Variants in CNTN5 observed in about 807,000 individuals in gnomAD.
CNTN5 encodes contactin 5.
Under a neutral mutation model 129.1 loss-of-function variants are expected in CNTN5, and 77 were observed. The ratio of observed to expected loss-of-function variants is 0.60; its 90% confidence interval spans 0.50 to 0.72. The LOEUF is 0.72. Ranked by LOEUF, CNTN5 falls within the 30% of genes least tolerant of loss-of-function variation. The probability of loss-of-function intolerance (pLI) is 0.00; values close to 1 mark genes in which losing one functional copy is unlikely to be tolerated. For synonymous variants in CNTN5, 509 were observed against 465.6 expected (o/e 1.09, Z -1.20); for missense variants, 1,478 against 1,328.8 (o/e 1.11, Z -1.75).
intron 3 of CNTN5, among the ~76,000 whole-genome samples, chr11:99,612,002 A>G (rs1179786095): frequency 6.6e-6 from 1 of 152,274 alleles, no homozygotes; most frequent in Admixed American, 6.5e-5. Flanking sequence ...TCATGATTGC[A>G]TTTTGTATTT....
At chr11:99,878,387 G>A (rs74449570) in intron 6 of CNTN5, among the ~76,000 whole-genome samples, 3 of 152,126 alleles carry the variant, frequency 2.0e-5, no homozygotes, top group Non-Finnish European at 2.9e-5. Flanking sequence ...GGACTGAAGT[G>A]GGGATAAATA....
At chr11:99,706,984 G>C (rs1456254814) in intron 3 of CNTN5, among the ~76,000 whole-genome samples, 1 of 151,090 alleles carries the variant, frequency 6.6e-6, no homozygotes, top group Admixed American at 6.6e-5. Flanking sequence ...ATTCCCACCA[G>C]GCAGGATCAC....
At chr11:100,134,789 A>C (rs1946473848) in intron 13 of CNTN5, among the ~76,000 whole-genome samples, 1 of 152,116 alleles carries the variant, frequency 6.6e-6, no homozygotes, top group South Asian at 2.1e-4. Context: ...AAAGCTTTCC[A>C]TGGACTCCAG....
At chr11:99,225,321 A>G (rs1168542008) in intron 1 of CNTN5, among the ~76,000 whole-genome samples, 2 of 152,070 alleles carry the variant, frequency 1.3e-5, no homozygotes, top group Non-Finnish European at 2.9e-5. Flanking sequence ...AGTGAAAGAA[A>G]GCATGGTTAC....
chr11:99,249,634 A>G (rs1159139597), intron 1 of CNTN5, among the ~76,000 whole-genome samples: 4 of 152,028 alleles, frequency 2.6e-5, no homozygotes, highest in Non-Finnish European at 5.9e-5. Flanking sequence ...TGAAATCCAA[A>G]TATTCCAATG....
intron 2 of CNTN5, among the ~76,000 whole-genome samples, chr11:99,449,031 T>G (rs982983075): frequency 6.6e-6 from 1 of 152,008 alleles, no homozygotes; most frequent in Non-Finnish European, 1.5e-5. Context: ...GATTCGCCTG[T>G]CTTGGTCTCC....
chr11:99,433,395 GTGTGTGTCTT>G (rs1303598411), intron 2 of CNTN5, among the ~76,000 whole-genome samples: 2 of 48,490 alleles, frequency 4.1e-5, no homozygotes, highest in Non-Finnish European at 8.1e-5. Flanking sequence ...GTGTGTGTGT[GTGTGTGTCTT>G]TGTGTGTGTG....
At chr11:99,701,272 G>A (rs927639160) in intron 3 of CNTN5, among the ~76,000 whole-genome samples, 7 of 151,296 alleles carry the variant, frequency 4.6e-5, no homozygotes, top group African/African-American at 1.7e-4. Context: ...AAGTGGAAGA[G>A]ATGGAACCTG....
Position 100,176,916 on chromosome 11 carries a change from G to T in CNTN5, c.1581-14210G>T, listed in dbSNP as rs548114723. Reference sequence around the variant, plus strand: ...GTAACCTCTCAATAAAGCATATATTGAGGATGCATTACAAGACAGTTCCGA... The same window carrying T: ...GTAACCTCTCAATAAAGCATATATTTAGGATGCATTACAAGACAGTTCCGA... On this transcript the variant is annotated intron_variant, in intron 13 of 24. Transcript: ENST00000524871. Among the ~76,000 whole-genome samples, 224 of 151,552 alleles carry T rather than the reference G, an allele frequency of 1.5e-3. 1 individual carries two copies. Among genetic ancestry groups the T allele is most frequent in the Non-Finnish European group, 2.7e-3 (181 of 67,836 alleles).
chr11:100,039,650 T>G (rs1333692703), intron 9 of CNTN5, among the ~76,000 whole-genome samples: 1 of 152,212 alleles, frequency 6.6e-6, no homozygotes, highest in Non-Finnish European at 1.5e-5. Flanking sequence ...CCATATTTCT[T>G]GGAGGCTTTG....
intron 3 of CNTN5, among the ~76,000 whole-genome samples, chr11:99,768,409 A>G (rs1944830039): frequency 6.6e-6 from 1 of 152,126 alleles, no homozygotes. Context: ...GAAGTATTTA[A>G]CAATGGTACA....
chr11:100,286,108 C>T (rs1046529048), intron 18 of CNTN5, among the ~76,000 whole-genome samples: 9 of 152,216 alleles, frequency 5.9e-5, no homozygotes, highest in African/African-American at 2.2e-4. Context: ...GGGTCCTACG[C>T]CCACGGAGTC....
At chr11:99,358,255 A>ATTTTTTTTTTTT (rs1186386021) in intron 2 of CNTN5, among the ~76,000 whole-genome samples, 1,635 of 46,814 alleles carry the variant, frequency 0.035, 326 homozygotes, top group East Asian at 0.064. Context: ...CGCCCTGCTG[A>ATTTTTTTTTTTT]TTTTTTTTTT....
chr11:99,803,347 A>C (rs1165199487), intron 3 of CNTN5, among the ~76,000 whole-genome samples: 2 of 152,100 alleles, frequency 1.3e-5, no homozygotes, highest in African/African-American at 4.8e-5. Flanking sequence ...CTCTTCTCCC[A>C]CCCTAGGCCT....
intron 2 of CNTN5, among the ~76,000 whole-genome samples, chr11:99,391,159 G>A (rs867516369): frequency 6.6e-6 from 1 of 151,984 alleles, no homozygotes; most frequent in Non-Finnish European, 1.5e-5. Flanking sequence ...GAAAGGTAAA[G>A]TCTCTTATCT....
chr11:99,057,188 G>A (rs1342920417), intron 1 of CNTN5, among the ~76,000 whole-genome samples: 1 of 151,766 alleles, frequency 6.6e-6, no homozygotes, highest in East Asian at 1.9e-4. Context: ...ATGTTCTCAT[G>A]TTGCCTTCAG....
chr11:100,163,143 A>G (rs1189562632), intron 13 of CNTN5, among the ~76,000 whole-genome samples: 1 of 151,798 alleles, frequency 6.6e-6, no homozygotes, highest in African/African-American at 2.4e-5. Flanking sequence ...TAAAAACAAA[A>G]AAATTGATAT....
Position 99,799,309 on chromosome 11 carries a change from G to A in CNTN5, c.56-20235G>A, listed in dbSNP as rs555400973. 1.1e-3 allele frequency among the ~76,000 whole-genome samples: 166 copies of A among 151,468 alleles called. 1 individual carries two copies. The highest frequency in any genetic ancestry group is 3.7e-3 in the African/African-American group (152 of 41,274). ...GTTAAATAGGAGTGGTGAGAATGGC[G>A]CATCCTTATTTTATCTCAGTTCTCA... On this transcript the variant is annotated intron_variant, in intron 3 of 24. Coordinates refer to ENST00000524871, the MANE Select transcript of CNTN5 (RefSeq NM_014361.4).
At chr11:100,083,978 A>G (rs1944458773) in intron 13 of CNTN5, among the ~76,000 whole-genome samples, 1 of 152,142 alleles carries the variant, frequency 6.6e-6, no homozygotes, top group African/African-American at 2.4e-5. Flanking sequence ...TGAGAAACTC[A>G]GTTAATTTAA....
Sources: gnomAD v4.1 joint callset for allele counts (sites outside exome capture counted in the v4.1 genomes callset) on GRCh38, gnomAD v4.1.1 for gene constraint, MANE v1.5 for transcripts, NCBI Gene and HGNC (gene_info 2026-07-23, HGNC 2026-07-21) for gene names.